FBXL7: variants seen among roughly 807,000 people sequenced by gnomAD.
FBXL7 encodes F-box/LRR-repeat protein 7.
A neutral mutation model predicts 38.3 loss-of-function variants in FBXL7; 12 were observed. The observed-to-expected ratio is 0.31, with a 90% CI of 0.20 to 0.51. The LOEUF (loss-of-function observed/expected upper bound fraction) is 0.51. Ranked by LOEUF, FBXL7 falls within the 20% of genes least tolerant of loss-of-function variation. The pLI is 0.98. For missense variants in FBXL7, 567 were observed against 676.4 expected, an observed-to-expected ratio of 0.84 and a Z score of 1.79; for synonymous variants, 297 against 300.9, an observed-to-expected ratio of 0.99 and a Z score of 0.13.
Position 15,665,940 on chromosome 5 carries a change from T to C in FBXL7, c.127+49868T>C, listed in dbSNP as rs111637077. Among the ~76,000 whole-genome samples, 1,049 of 152,298 alleles carry C rather than the reference T, an allele frequency of 6.9e-3. 11 individuals carry two copies. The highest frequency in any genetic ancestry group is 0.024 in the African/African-American group (1,016 of 41,560). ...CTTTTTATCTCAGGATCTGTATCTA[T>C]ATAAAGTGAACTATAGAATCAGGAT... On this transcript the variant is annotated intron_variant, in intron 2 of 3. Coordinates refer to ENST00000504595, the MANE Select transcript of FBXL7 (RefSeq NM_012304.5).
chr5:15,782,598 A>G (rs191491777), intron 2 of FBXL7, among the ~76,000 whole-genome samples: 2 of 151,834 alleles, frequency 1.3e-5, no homozygotes, highest in East Asian at 1.9e-4. Flanking sequence ...CTTTTTTCAT[A>G]TGTTTGTTGT....
intron 2 of FBXL7, among the ~76,000 whole-genome samples, chr5:15,914,570 C>T (rs1741532335): frequency 6.6e-6 from 1 of 151,978 alleles, no homozygotes; most frequent in Admixed American, 6.6e-5. Flanking sequence ...TACTATTAAA[C>T]TAAGTGTATG....
chr5:15,575,007 G>C (rs970194885), intron 1 of FBXL7, among the ~76,000 whole-genome samples: 2 of 152,112 alleles, frequency 1.3e-5, no homozygotes, highest in African/African-American at 4.8e-5. Context: ...GTTATCCGGA[G>C]ACATTTTTTG....
intron 2 of FBXL7, among the ~76,000 whole-genome samples, chr5:15,801,271 A>G (rs1009412260): frequency 6.6e-6 from 1 of 152,204 alleles, no homozygotes; most frequent in Non-Finnish European, 1.5e-5. Context: ...TAATCATTAT[A>G]AGGGATTCAT....
chr5:15,705,183 C>T (rs952031145), intron 2 of FBXL7, among the ~76,000 whole-genome samples: 1 of 152,190 alleles, frequency 6.6e-6, no homozygotes, highest in Admixed American at 6.5e-5. Flanking sequence ...TATGTATTGA[C>T]AGCCTCAGTG....
intron 1 of FBXL7, among the ~76,000 whole-genome samples, chr5:15,529,404 A>G (rs901543405): frequency 8.0e-5 from 12 of 149,170 alleles, no homozygotes; most frequent in South Asian, 2.1e-4. Context: ...TTTTTTTTTT[A>G]AGACAGAGTC....
chr5:15,858,675 G>A (rs963259794), intron 2 of FBXL7, among the ~76,000 whole-genome samples: 1 of 152,048 alleles, frequency 6.6e-6, no homozygotes. Flanking sequence ...AAGCTACCTC[G>A]GCCAAATGTT....
At chr5:15,821,041 G>A (rs1471831191) in intron 2 of FBXL7, among the ~76,000 whole-genome samples, 2 of 152,124 alleles carry the variant, frequency 1.3e-5, no homozygotes, top group Non-Finnish European at 2.9e-5. Context: ...TCTTCCTGAT[G>A]GCAAGGATAC....
intron 1 of FBXL7, among the ~76,000 whole-genome samples, chr5:15,568,360 T>C (rs1429956051): frequency 6.6e-6 from 1 of 152,270 alleles, no homozygotes; most frequent in Non-Finnish European, 1.5e-5. Context: ...ATGAGCATTT[T>C]TTCATGTGTC....
intron 2 of FBXL7, among the ~76,000 whole-genome samples, chr5:15,923,643 T>G (rs919075447): frequency 1.3e-5 from 2 of 152,210 alleles, no homozygotes; most frequent in Non-Finnish European, 2.9e-5. Flanking sequence ...CTTTATAATC[T>G]TTTTAATTAT....
intron 3 of FBXL7, among the ~76,000 whole-genome samples, chr5:15,930,046 C>A (rs1741998154): frequency 1.3e-5 from 2 of 152,152 alleles, no homozygotes; most frequent in Non-Finnish European, 2.9e-5. Flanking sequence ...AGATGACAGC[C>A]CATTACTTTT....
At chr5:15,836,480 G>A (rs1346937249) in intron 2 of FBXL7, among the ~76,000 whole-genome samples, 1 of 152,138 alleles carries the variant, frequency 6.6e-6, no homozygotes, top group African/African-American at 2.4e-5. Context: ...AGATGCCCTA[G>A]GTAAACCTCA....
intron 2 of FBXL7, among the ~76,000 whole-genome samples, chr5:15,872,766 A>C (rs1414553929): frequency 4.6e-5 from 7 of 152,244 alleles, no homozygotes. Context: ...ATACAGGAGC[A>C]CCCAGATTCA....
At chr5:15,901,130 GA>G (rs1405044072) in intron 2 of FBXL7, among the ~76,000 whole-genome samples, 8 of 152,196 alleles carry the variant, frequency 5.3e-5, no homozygotes, top group Non-Finnish European at 1.2e-4. Flanking sequence ...ACAGTTCACT[GA>G]ATGTCTTATT....
In FBXL7 at chr5:15,703,059, A is replaced by T. The variant is rs1352577818; in HGVS notation, c.127+86987A>T. Among the ~76,000 whole-genome samples, 4 of 152,286 alleles carry T rather than the reference A, an allele frequency of 2.6e-5. No individual in the cohort carries two copies. In the East Asian group the frequency reaches 7.7e-4, roughly 29 times the overall value. On this transcript the variant is annotated intron_variant, in intron 2 of 3. Transcript: ENST00000504595. ...CCATTTTCGTTTCTTTTGTGGTGGA[A>T]TGTCATCAGTTAAGGCAGGAACCAG...
intron 2 of FBXL7, among the ~76,000 whole-genome samples, chr5:15,630,151 C>T (rs1042586748): frequency 6.6e-6 from 1 of 152,134 alleles, no homozygotes; most frequent in African/African-American, 2.4e-5. Flanking sequence ...TATAAATAAC[C>T]AGTTCCTCTC....
intron 2 of FBXL7, among the ~76,000 whole-genome samples, chr5:15,904,687 C>G (rs1250410945): frequency 2.6e-5 from 4 of 152,004 alleles, no homozygotes; most frequent in Admixed American, 6.6e-5. Context: ...AAAAAAATCT[C>G]TATTTCATAT....
rs531438635 is a variant in FBXL7, at chr5:15,922,623, C to T, written c.128-5267C>T. 3.3e-5 allele frequency among the ~76,000 whole-genome samples: 5 copies of T among 152,244 alleles called. No individual in the cohort carries two copies. In the South Asian group the frequency reaches 1.0e-3, roughly 32 times the overall value. ...CAATTAATTTAATTCCAGATAGAAGCTTTTGACCATGTATATTTCACTGGC... is the reference window on the plus strand; with the variant it reads ...CAATTAATTTAATTCCAGATAGAAGTTTTTGACCATGTATATTTCACTGGC... On this transcript the variant is annotated intron_variant, in intron 2 of 3. Transcript: ENST00000504595.
chr5:15,693,011 T>C (rs1349963742), intron 2 of FBXL7, among the ~76,000 whole-genome samples: 1 of 152,130 alleles, frequency 6.6e-6, no homozygotes, highest in Non-Finnish European at 1.5e-5. Context: ...AACAAAACAA[T>C]GAGTTCCATC....
Sources: allele counts gnomAD v4.1 joint callset (sites outside exome capture counted in the v4.1 genomes callset), GRCh38; gene constraint gnomAD v4.1.1; transcripts MANE v1.5; gene names NCBI Gene and HGNC (gene_info 2026-07-23, HGNC 2026-07-21).